ELOVL6: variants seen among roughly 807,000 people sequenced by gnomAD.
ELOVL6 encodes the protein very long chain fatty acid elongase 6.
A neutral mutation model predicts 31.7 loss-of-function variants in ELOVL6; 8 were observed. The observed-to-expected ratio is 0.25, with a 90% CI of 0.15 to 0.45. The LOEUF (loss-of-function observed/expected upper bound fraction) is 0.45. ELOVL6 is among the 20% of genes least tolerant of loss of function. The pLI, the probability that ELOVL6 is intolerant of heterozygous loss-of-function variation, is 1.00. For missense variants in ELOVL6, 126 were observed against 326.4 expected (o/e 0.39, Z 4.73); for synonymous variants, 101 against 117.7 (o/e 0.86, Z 0.92).
chr4:110,105,195 T>C (rs1055229237), intron 2 of ELOVL6, among the ~76,000 whole-genome samples: 2 of 152,178 alleles, frequency 1.3e-5, no homozygotes, highest in Admixed American at 1.3e-4. Context: ...TTCATCTATA[T>C]TTAGCCAATA....
At chr4:110,072,007 CAGT>C (rs1755499357) in intron 2 of ELOVL6, among the ~76,000 whole-genome samples, 1 of 152,156 alleles carries the variant, frequency 6.6e-6, no homozygotes, top group Non-Finnish European at 1.5e-5. Context: ...ATGAGAAATA[CAGT>C]AGTTCACAAA....
At chr4:110,197,983 A>C (rs1759864020) in intron 1 of ELOVL6, 1 of 540,254 alleles carries the variant, frequency 1.9e-6, no homozygotes, top group Non-Finnish European at 3.3e-6. Flanking sequence ...CCCTGTGCAC[A>C]CACATATGTT....
chr4:110,109,049 T>G (rs2126248037), intron 1 of ELOVL6, among the ~76,000 whole-genome samples: 1 of 152,334 alleles, frequency 6.6e-6, no homozygotes, highest in South Asian at 2.1e-4. Flanking sequence ...CTTTCCTTTC[T>G]GGCATCTCTC....
intron 1 of ELOVL6, among the ~76,000 whole-genome samples, chr4:110,110,698 G>T (rs1757010148): frequency 6.6e-6 from 1 of 152,012 alleles, no homozygotes; most frequent in African/African-American, 2.4e-5. Context: ...ACCTGGCCAG[G>T]AGGTTTTATT....
chr4:110,067,973 G>C (rs928127649), intron 2 of ELOVL6, among the ~76,000 whole-genome samples: 10 of 152,022 alleles, frequency 6.6e-5, no homozygotes, highest in Non-Finnish European at 1.2e-4. Flanking sequence ...ATGTTACTTA[G>C]ACATTAACGC....
intron 1 of ELOVL6, among the ~76,000 whole-genome samples, chr4:110,169,841 T>A (rs1272368634): frequency 6.6e-6 from 1 of 150,556 alleles, no homozygotes; most frequent in African/African-American, 2.4e-5. Flanking sequence ...GTTTCCCTCT[T>A]GTTGCCCAGG....
Position 110,198,412 on chromosome 4 carries a change from T to G in ELOVL6, c.-77A>C. On this transcript the variant is annotated 5_prime_UTR_variant, in exon 1 of 4. Coordinates refer to ENST00000302274, the MANE Select transcript of ELOVL6 (RefSeq NM_024090.3). ...CTGTAAAGCGCTTGATTTCGAGTGT[T>G]CTCCTGTCTGCTTCCCCCACCCACC... 3 of 913,368 alleles carry G rather than the reference T, an allele frequency of 3.3e-6. No homozygotes were observed. The highest frequency in any genetic ancestry group is 5.2e-6 in the Non-Finnish European group (3 of 575,178). The allele number at this position is 913,368 out of a possible 1,614,324, so 56.6% of individuals were successfully genotyped here.
chr4:110,117,904 A>AAAAAAAAAAAT (rs1757224623), intron 1 of ELOVL6: 1 of 7,414 alleles, frequency 1.3e-4, no homozygotes, highest in African/African-American at 3.7e-4. Flanking sequence ...AAAAAAAAAA[A>AAAAAAAAAAAT]TATATATATA....
chr4:110,089,687 T>C (rs776226570), intron 2 of ELOVL6, among the ~76,000 whole-genome samples: 6 of 150,372 alleles, frequency 4.0e-5, no homozygotes, highest in Non-Finnish European at 8.9e-5. Flanking sequence ...ATATATGAGA[T>C]CCTTGCCCAA....
intron 1 of ELOVL6, among the ~76,000 whole-genome samples, chr4:110,111,932 T>C (rs1231417153): frequency 2.6e-5 from 4 of 152,216 alleles, no homozygotes; most frequent in Non-Finnish European, 4.4e-5. Context: ...GTGAGGCATG[T>C]GCCCAGTAAT....
chr4:110,117,769 C>T (rs1295830502), intron 1 of ELOVL6: 1 of 142,080 alleles, frequency 7.0e-6, no homozygotes, highest in Non-Finnish European at 1.5e-5. Flanking sequence ...GTAGTCCCAG[C>T]TACTTGGGAG....
chr4:110,085,140 A>C (rs1049202462), intron 2 of ELOVL6, among the ~76,000 whole-genome samples: 9 of 152,168 alleles, frequency 5.9e-5, no homozygotes, highest in African/African-American at 1.9e-4. Flanking sequence ...ACTGATATGA[A>C]AGCAAGAGGT....
At chr4:110,190,777 T>C (rs965527666) in intron 1 of ELOVL6, among the ~76,000 whole-genome samples, 4 of 151,770 alleles carry the variant, frequency 2.6e-5, no homozygotes, top group African/African-American at 9.7e-5. Context: ...AGCGCTGGGA[T>C]TACAAGTATA....
chr4:110,057,128 C>A (rs1755008255), intron 3 of ELOVL6, among the ~76,000 whole-genome samples: 1 of 152,132 alleles, frequency 6.6e-6, no homozygotes, highest in African/African-American at 2.4e-5. Flanking sequence ...GTAGAAAGGA[C>A]TATGTTTGTT....
intron 1 of ELOVL6, among the ~76,000 whole-genome samples, chr4:110,172,763 TG>T (rs1213096810): frequency 6.6e-6 from 1 of 152,258 alleles, no homozygotes; most frequent in Non-Finnish European, 1.5e-5. Flanking sequence ...TTCTTGCTGA[TG>T]TTTTTTACTG....
intron 1 of ELOVL6, among the ~76,000 whole-genome samples, chr4:110,193,735 C>G (rs563930482): frequency 3.9e-5 from 6 of 152,148 alleles, no homozygotes; most frequent in Non-Finnish European, 8.8e-5. Context: ...CTTATAGACT[C>G]TATAATACAG....
At chr4:110,149,483 T>C (rs752587923) in intron 1 of ELOVL6, among the ~76,000 whole-genome samples, 13 of 152,304 alleles carry the variant, frequency 8.5e-5, no homozygotes, top group Non-Finnish European at 1.6e-4. Context: ...TTCAGCAACA[T>C]GTATAGAACC....
At chr4:110,145,145 G>A (rs948068963) in intron 1 of ELOVL6, among the ~76,000 whole-genome samples, 29 of 151,802 alleles carry the variant, frequency 1.9e-4, no homozygotes, top group Admixed American at 1.3e-3. Context: ...ATAGGGCAGA[G>A]AGAGAGAGAG....
intron 2 of ELOVL6, among the ~76,000 whole-genome samples, chr4:110,096,242 C>T (rs1030748872): frequency 2.0e-5 from 3 of 152,134 alleles, no homozygotes; most frequent in African/African-American, 7.2e-5. Context: ...AGACAACGTG[C>T]ATAAAACTAA....
Sources: allele counts gnomAD v4.1 joint callset (sites outside exome capture counted in the v4.1 genomes callset), GRCh38; gene constraint gnomAD v4.1.1; transcripts MANE v1.5; gene names NCBI Gene and HGNC (gene_info 2026-07-23, HGNC 2026-07-21).